Variants in ETS2 observed in about 807,000 individuals in gnomAD.
ETS2 encodes ETS proto-oncogene 2, transcription factor, also known as protein C-ets-2.
ETS2 carries 19 observed loss-of-function variants against 54.9 expected under a neutral mutation model. That is an observed-to-expected ratio of 0.35 (90% CI 0.24 to 0.51). ETS2 has a LOEUF of 0.51. Ranked by LOEUF, ETS2 falls within the 20% of genes least tolerant of loss-of-function variation. The probability of loss-of-function intolerance (pLI) is 0.97; values close to 1 mark genes in which losing one functional copy is unlikely to be tolerated. For synonymous variants in ETS2, 219 were observed against 229.3 expected, an observed-to-expected ratio of 0.95 and a Z score of 0.41; for missense variants, 417 against 593.0, an observed-to-expected ratio of 0.70 and a Z score of 3.08.
intron 7 of ETS2, 138 bp from the exon 8 acceptor site, chr21:38,819,365 G>C (rs963696175): frequency 1.9e-5 from 13 of 701,590 alleles, no homozygotes; most frequent in African/African-American, 8.8e-5. Flanking sequence ...CCTGAGTAGA[G>C]AGCATTTTGA....
In ETS2 at chr21:38,822,313, C is replaced by T. The variant is rs434421; in HGVS notation, c.1195-361C>T. 1.5e-3 allele frequency among the ~76,000 whole-genome samples: 225 copies of T among 152,328 alleles called. 1 individual carries two copies. Among genetic ancestry groups the T allele is most frequent in the South Asian group, 4.1e-3 (20 of 4,832 alleles). On this transcript the variant is annotated intron_variant, in intron 9 of 9. Transcript: ENST00000360938. ...ATATCACACAGCTCAGAATCCCACT[C>T]GGCACCTGTTAACTTCAGTAGTTGG...
At chr21:38,820,585 T>G (rs1449202695) in intron 8 of ETS2, among the ~76,000 whole-genome samples, 1 of 152,160 alleles carries the variant, frequency 6.6e-6, no homozygotes, top group Admixed American at 6.5e-5. Context: ...AACATAAGTT[T>G]CTGTTTATTG....
chr21:38,819,812 C>G (rs753819199), intron 8 of ETS2, 46 bp downstream of exon 8: 1 of 1,569,320 alleles, frequency 6.4e-7, no homozygotes, highest in African/African-American at 1.4e-5. Context: ...CTCCTGGGTC[C>G]TGTCCCTTGC....
rs2060925750 is a variant in ETS2, at chr21:38,814,607, T to A, written c.305-174T>A. On this transcript the variant is annotated intron_variant, in intron 4 of 9. Coordinates refer to ENST00000360938, the MANE Select transcript of ETS2 (RefSeq NM_005239.6). The surrounding 1 kb of genome is among the most constrained non-coding windows in gnomAD (Gnocchi z 4.2). Reference sequence around the variant, plus strand: ...GTAGTAGAAGGACGCATTACTGGTGTCTTGAAATGTGCCTGGGTCGTGTCA... The same window carrying A: ...GTAGTAGAAGGACGCATTACTGGTGACTTGAAATGTGCCTGGGTCGTGTCA... Among the ~76,000 whole-genome samples the A allele has an allele frequency of 6.6e-6, 1 of 152,210 alleles. No individual in the cohort carries two copies. The highest frequency in any genetic ancestry group is 1.5e-5 in the Non-Finnish European group (1 of 68,038).
chr21:38,816,835 C>T (rs1360791446), intron 5 of ETS2, among the ~76,000 whole-genome samples, 173 bp from the exon 6 acceptor site: 2 of 152,164 alleles, frequency 1.3e-5, no homozygotes, highest in Admixed American at 6.5e-5. Context: ...TGCTTTCTCT[C>T]GTTTTTTGAA....
rs911816086 is a variant in ETS2 at position 38,806,902 on chromosome 21, C to G, written c.-1+782C>G. ...GAGACCTTTTATGTTAGCCTGTACA[C>G]AATTTCAGGGTAGCCTAAAACAGTA... On this transcript the variant is annotated intron_variant, in intron 1 of 9. Transcript: ENST00000360938. This position sits in a 1 kb window ranked among gnomAD's most constrained non-coding sequence, Gnocchi z 4.3. 5.4e-6 allele frequency: 5 copies of G among 917,636 alleles called. No homozygotes were observed. Among genetic ancestry groups the G allele is most frequent in the Non-Finnish European group, 6.5e-6 (5 of 768,272 alleles). The allele number at this position is 917,636 out of a possible 1,614,324, so 56.8% of individuals were successfully genotyped here.
At chr21:38,809,965 G>A in intron 1 of ETS2, 70 bp from the exon 2 acceptor site, 1 of 994,428 alleles carries the variant, frequency 1.0e-6, no homozygotes, top group Non-Finnish European at 1.5e-6. Flanking sequence ...ATCAAGTCTT[G>A]ATGCCACCAA....
Position 38,818,555 on chromosome 21 carries a change from C to T in ETS2, c.720C>T (p.Pro240=), listed in dbSNP as rs2060944652. 1.2e-6 allele frequency: 2 copies of T among 1,614,058 alleles called. No individual in the cohort carries two copies. Among genetic ancestry groups the T allele is most frequent in the Non-Finnish European group, 1.7e-6 (2 of 1,180,040 alleles). The change falls in exon 7 of 10, where the codon CCC becomes CCT. Residue 240 remains proline, a synonymous_variant. Coordinates refer to ENST00000360938, the MANE Select transcript of ETS2 (RefSeq NM_005239.6). ...CTGAGCAGGAGTTTCAGATGTTCCCCAAGTCTCGGCTCAGCTCCGTCAGCG... is the reference window on the plus strand; with the variant it reads ...CTGAGCAGGAGTTTCAGATGTTCCCTAAGTCTCGGCTCAGCTCCGTCAGCG... ...LSSEQEFQMF[P]KSRLSSVSVT...
At position 38,818,339 on chromosome 21, in the gene ETS2, G is replaced by A. The variant is rs1043593749; in HGVS notation, c.590-86G>A. ...TCTGCAGAGGGCTGGAGTGTGCGGA[G>A]TGCTCACCTGTCATTTGCTCGTAGG... On this transcript the variant is annotated intron_variant, in intron 6 of 9. Coordinates refer to ENST00000360938, the MANE Select transcript of ETS2 (RefSeq NM_005239.6). The A allele has an allele frequency of 2.7e-5, 43 of 1,588,134 alleles. No homozygotes were observed. In the African/African-American group the frequency reaches 3.2e-4, roughly 12 times the overall value.
In ETS2 at chr21:38,806,979, G is replaced by A. The variant is rs897521835; in HGVS notation, c.-1+859G>A. ...AAAGAAATGAGCAGTCCCCTTTGGAGACAGGAGTAATTTATTTTAATTCGC... is the reference window on the plus strand; with the variant it reads ...AAAGAAATGAGCAGTCCCCTTTGGAAACAGGAGTAATTTATTTTAATTCGC... On this transcript the variant is annotated intron_variant, in intron 1 of 9. Coordinates refer to ENST00000360938, the MANE Select transcript of ETS2 (RefSeq NM_005239.6). This position sits in a 1 kb window ranked among gnomAD's most constrained non-coding sequence, Gnocchi z 4.3. Among the ~76,000 whole-genome samples, 1 of 152,216 alleles carries A rather than the reference G, an allele frequency of 6.6e-6. No individual in the cohort carries two copies.
At chr21:38,815,111 A>C in intron 5 of ETS2, 130 bp downstream of exon 5, 1 of 788,274 alleles carries the variant, frequency 1.3e-6, no homozygotes, top group Non-Finnish European at 2.1e-6. Flanking sequence ...ACCTTGCCTC[A>C]AAATGCCACT....
At chr21:38,805,510 T>C (rs1418035899), upstream of ETS2, 1 of 1,287,516 alleles carries the variant, frequency 7.8e-7, no homozygotes, top group South Asian at 1.2e-5. This position sits in a 1 kb window ranked among gnomAD's most constrained non-coding sequence, Gnocchi z 5.2. Flanking sequence ...TCCGCCCGGC[T>C]CCCAGGGCGC....
chr21:38,806,417 G>A lies in ETS2; in HGVS notation c.-1+297G>A. On this transcript the variant is annotated intron_variant, in intron 1 of 9. Coordinates refer to ENST00000360938, the MANE Select transcript of ETS2 (RefSeq NM_005239.6). The surrounding 1 kb of genome is among the most constrained non-coding windows in gnomAD (Gnocchi z 4.3). Reference sequence around the variant, plus strand: ...CTAGCGGCGGGCGCGGCCAGGGCGCGCTGGCTTGTTTCGCTCGCTTTTGTT... The same window carrying A: ...CTAGCGGCGGGCGCGGCCAGGGCGCACTGGCTTGTTTCGCTCGCTTTTGTT... 1 of 985,882 alleles carries A rather than the reference G, an allele frequency of 1.0e-6. No homozygotes were observed. The highest frequency in any genetic ancestry group is 1.2e-6 in the Non-Finnish European group (1 of 830,300). The allele number at this position is 985,882 out of a possible 1,614,324, so 61.1% of individuals were successfully genotyped here.
intron 5 of ETS2, 119 bp downstream of exon 5, chr21:38,815,100 T>G: frequency 2.2e-6 from 2 of 925,842 alleles, no homozygotes; most frequent in Non-Finnish European, 3.4e-6. Flanking sequence ...TGACATAGAG[T>G]ACCTTGCCTC....
chr21:38,807,417 C>CTTTTTTTT (rs369913456), intron 1 of ETS2, among the ~76,000 whole-genome samples: 3 of 133,366 alleles, frequency 2.2e-5, no homozygotes, highest in Non-Finnish European at 4.7e-5. Flanking sequence ...GCTCTTTATC[C>CTTTTTTTT]TTTTTTTTTT....
chr21:38,824,615 A>G lies in ETS2; in HGVS notation c.*1726A>G, dbSNP rs1323470401. 1 of 152,410 alleles carries G rather than the reference A, an allele frequency of 6.6e-6. No homozygotes were observed. The highest frequency in any genetic ancestry group is 1.5e-5 in the Non-Finnish European group (1 of 68,030). 9.4% of individuals were successfully genotyped at this position (152,410 alleles called of 1,614,324 possible). On this transcript the variant is annotated 3_prime_UTR_variant, in exon 10 of 10. Coordinates refer to ENST00000360938, the MANE Select transcript of ETS2 (RefSeq NM_005239.6). ...TGCGCTGCCTCAATACCCACAAAAG[A>G]CCATTCCCAGTATACATAAGCACAG... is the stretch of plus-strand genomic sequence containing the variant.
intron 2 of ETS2, among the ~76,000 whole-genome samples, chr21:38,811,713 G>A (rs1391324817): frequency 2.4e-4 from 36 of 152,168 alleles, no homozygotes; most frequent in Admixed American, 2.3e-3. Flanking sequence ...CTCAGAAATC[G>A]AGTTAGTGTA....
Position 38,814,254 on chromosome 21 carries a change from A to G in ETS2, c.185-19A>G, listed in dbSNP as rs1371610081. The G allele has an allele frequency of 6.2e-7, 1 of 1,613,590 alleles. No individual in the cohort carries two copies. Among genetic ancestry groups the G allele is most frequent in the South Asian group, 1.1e-5 (1 of 91,074 alleles). Reference sequence around the variant, plus strand: ...ACCAACTTGAAGTCCTAATGTCCCCATGGGGGGTTTCCTTCCAGACTCCGC... The same window carrying G: ...ACCAACTTGAAGTCCTAATGTCCCCGTGGGGGGTTTCCTTCCAGACTCCGC... On this transcript the variant is annotated intron_variant, in intron 3 of 9. Transcript: ENST00000360938. This position sits in a 1 kb window ranked among gnomAD's most constrained non-coding sequence, Gnocchi z 4.2.
In ETS2 at chr21:38,806,514, G is replaced by T. The variant is rs2060893793; in HGVS notation, c.-1+394G>T. On this transcript the variant is annotated intron_variant, in intron 1 of 9. Coordinates refer to ENST00000360938, the MANE Select transcript of ETS2 (RefSeq NM_005239.6). The surrounding 1 kb of genome is among the most constrained non-coding windows in gnomAD (Gnocchi z 4.3). ...TCCCGGCGAACATGATTTCGCGAACGGGAGTGGGGGCACAGGAGAGCGTGT... is the reference window on the plus strand; with the variant it reads ...TCCCGGCGAACATGATTTCGCGAACTGGAGTGGGGGCACAGGAGAGCGTGT... 1.0e-6 allele frequency: 1 copy of T among 985,380 alleles called. No individual in the cohort carries two copies. Among genetic ancestry groups the T allele is most frequent in the Non-Finnish European group, 1.2e-6 (1 of 829,988 alleles). The allele number at this position is 985,380 out of a possible 1,614,324, so 61.0% of individuals were successfully genotyped here.
Sources: gnomAD v4.1 joint callset for allele counts (sites outside exome capture counted in the v4.1 genomes callset) on GRCh38, gnomAD v4.1.1 for gene constraint, Gnocchi (gnomAD v3.1) non-coding constraint, MANE v1.5 for transcripts, NCBI Gene and HGNC (gene_info 2026-07-23, HGNC 2026-07-21) for gene names.